The following BZW2 variants were observed in gnomAD, a reference collection of about 807,000 sequenced individuals.
BZW2 encodes basic leucine zipper and W2 domains 2.
A neutral mutation model predicts 53.2 loss-of-function variants in BZW2; 23 were observed. The observed-to-expected ratio is 0.43, with a 90% confidence interval of 0.31 to 0.61. BZW2 has a LOEUF of 0.61. Ranked by LOEUF, BZW2 falls within the 20% of genes least tolerant of loss-of-function variation. The pLI is 0.09. For synonymous variants in BZW2, 227 were observed against 186.4 expected (o/e 1.22, Z -1.77); for missense variants, 409 against 503.1 (o/e 0.81, Z 1.79).
chr7:16,671,341 T>C (rs1012970422), intron 2 of BZW2, among the ~76,000 whole-genome samples: 1 of 152,208 alleles, frequency 6.6e-6, no homozygotes, highest in African/African-American at 2.4e-5. Context: ...ATAACGTTAT[T>C]TTGTTATCTC....
chr7:16,668,771 TAC>T (rs1782510182), intron 2 of BZW2, among the ~76,000 whole-genome samples: 1 of 152,246 alleles, frequency 6.6e-6, no homozygotes, highest in African/African-American at 2.4e-5. Flanking sequence ...GCATTGTCGT[TAC>T]TGCTTAGCAT....
rs746452570 is a variant in BZW2, at chr7:16,697,016, C to T, written c.924C>T (p.Asn308=). ...GTATAATGAACGCTGTTGAGTGGAA[C>T]AAGAAGGAAGAACTTGTTGCAGAGC... ...WTCIMNAVEW[N]KKEELVAEQA... is the part of the protein sequence containing the mutation. The change falls in exon 9 of 12, where the codon AAC becomes AAT. Residue 308 remains asparagine (N), a synonymous_variant. Coordinates refer to ENST00000258761, the MANE Select transcript of BZW2 (RefSeq NM_014038.3). 1.9e-6 allele frequency: 3 copies of T among 1,614,118 alleles called. No homozygotes were observed. Among genetic ancestry groups the T allele is most frequent in the Non-Finnish European group, 1.7e-6 (2 of 1,180,006 alleles).
At chr7:16,647,772 A>G (rs1484960401) in intron 1 of BZW2, among the ~76,000 whole-genome samples, 1 of 152,234 alleles carries the variant, frequency 6.6e-6, no homozygotes, top group Non-Finnish European at 1.5e-5. Flanking sequence ...ACCTAAAAAA[A>G]CAGTTGAGTG....
rs1012583467 is a variant in BZW2 at position 16,672,969 on chromosome 7, G to A, written c.59-1443G>A. ...TCCACTTTCTTTTTTTTTTTGAAAC[G>A]GAGTCTCGCTCTGTCACCCAGGCTG... On this transcript the variant is annotated intron_variant, in intron 2 of 11. Coordinates refer to ENST00000258761, the MANE Select transcript of BZW2 (RefSeq NM_014038.3). 5.0e-4 allele frequency among the ~76,000 whole-genome samples: 75 copies of A among 148,708 alleles called. 1 individual carries two copies. The highest frequency in any genetic ancestry group is 1.3e-3 in the African/African-American group (50 of 39,538).
At chr7:16,665,332 G>T in intron 1 of BZW2, 105 bp from the exon 2 acceptor site, 1 of 1,323,652 alleles carries the variant, frequency 7.6e-7, no homozygotes, top group Non-Finnish European at 1.1e-6. Flanking sequence ...GGCATATTCA[G>T]TAATGAGTGA....
At chr7:16,689,989 A>G (rs1783251736) in intron 7 of BZW2, 83 bp downstream of exon 7, 1 of 957,506 alleles carries the variant, frequency 1.0e-6, no homozygotes, top group Non-Finnish European at 1.5e-6. Flanking sequence ...TATATGAGTA[A>G]GATCCCTGGA....
intron 10 of BZW2, among the ~76,000 whole-genome samples, chr7:16,702,254 GA>G (rs1783689421): frequency 2.0e-5 from 3 of 152,068 alleles, no homozygotes; most frequent in Admixed American, 6.6e-5. Flanking sequence ...TCACTAAATA[GA>G]AGTTTAATTT....
At chr7:16,668,410 G>A (rs1782496022) in intron 2 of BZW2, among the ~76,000 whole-genome samples, 1 of 152,168 alleles carries the variant, frequency 6.6e-6, no homozygotes, top group Non-Finnish European at 1.5e-5. Context: ...TTTGCCAGTT[G>A]ATCTAGATTC....
intron 10 of BZW2, among the ~76,000 whole-genome samples, chr7:16,700,078 T>C (rs537264481): frequency 6.6e-6 from 1 of 152,326 alleles, no homozygotes; most frequent in East Asian, 1.9e-4. Flanking sequence ...TCAACATCAA[T>C]TTTATTTCTG....
chr7:16,659,849 T>A (rs1583703852), intron 1 of BZW2, among the ~76,000 whole-genome samples: 1 of 150,124 alleles, frequency 6.7e-6, no homozygotes, highest in Admixed American at 6.6e-5. Context: ...TTTTTATTTT[T>A]TTATTTTTTT....
At chr7:16,689,265 T>C (rs1783227716) in intron 6 of BZW2, among the ~76,000 whole-genome samples, 1 of 152,136 alleles carries the variant, frequency 6.6e-6, no homozygotes, top group African/African-American at 2.4e-5. Flanking sequence ...AAAATGCTTT[T>C]TATAAAAAGC....
At chr7:16,656,018 A>G (rs1383893723) in intron 1 of BZW2, among the ~76,000 whole-genome samples, 1 of 152,114 alleles carries the variant, frequency 6.6e-6, no homozygotes, top group Non-Finnish European at 1.5e-5. Context: ...GTAAATTTTA[A>G]CATAGATACC....
At chr7:16,680,159 G>A (rs720587) in intron 3 of BZW2, among the ~76,000 whole-genome samples, 6,907 of 152,152 alleles carry the variant, frequency 0.045, 505 homozygotes, top group African/African-American at 0.16. Flanking sequence ...AGCTACCCAA[G>A]TAGAAGGCAA....
intron 1 of BZW2, among the ~76,000 whole-genome samples, chr7:16,664,776 A>C (rs1782369468): frequency 6.6e-6 from 1 of 152,234 alleles, no homozygotes; most frequent in Non-Finnish European, 1.5e-5. Context: ...GTATATTTGC[A>C]TTCTTGTGTG....
Position 16,659,972 on chromosome 7 carries a change from G to A in BZW2, c.-7-5465G>A, listed in dbSNP as rs557205617. 2.2e-4 allele frequency among the ~76,000 whole-genome samples: 33 copies of A among 151,936 alleles called. 1 individual carries two copies. The highest frequency in any genetic ancestry group is 7.5e-4 in the African/African-American group (31 of 41,462). The stretch of plus-strand genomic sequence containing the variant: ...CCCATTAACTCGTCATTAACATTAG[G>A]TATATCTCCCAATGCTATCCCTTCC... On this transcript the variant is annotated intron_variant, in intron 1 of 11. Transcript: ENST00000258761.
At position 16,680,061 on chromosome 7, in the gene BZW2, C is replaced by A. The variant is rs151052916; in HGVS notation, c.236-1240C>A. Among the ~76,000 whole-genome samples, 876 of 152,094 alleles carry A rather than the reference C, an allele frequency of 5.8e-3. 9 individuals are homozygous for A. The highest frequency in any genetic ancestry group is 0.02 in the African/African-American group (840 of 41,502). On this transcript the variant is annotated intron_variant, in intron 3 of 11. Transcript: ENST00000258761. ...TCTTCTAGCCAACATAGCAGCTGGG[C>A]GATCAAATTCAAATAGCAAGCATCG... is the stretch of plus-strand genomic sequence containing the variant.
Position 16,687,665 on chromosome 7 carries a change from G to A in BZW2, c.541+1625G>A, listed in dbSNP as rs1217696090. On this transcript the variant is annotated intron_variant, in intron 6 of 11. Transcript: ENST00000258761. ...GAGCCCAGGAGTTTGGGGCTACAGT[G>A]AGCTATAATCACATCATCTTACTAC... 5 of 152,038 alleles carry A rather than the reference G, an allele frequency of 3.3e-5. No homozygotes were observed. In the East Asian group the frequency reaches 9.7e-4, roughly 29 times the overall value. 9.4% of individuals were successfully genotyped at this position (152,038 alleles called of 1,614,324 possible).
chr7:16,665,544 C>T lies in BZW2; in HGVS notation c.58+43C>T. On this transcript the variant is annotated intron_variant, in intron 2 of 11. Transcript: ENST00000258761. ...GTGTGTGTGTGTTTAAAGTTGTAAC[C>T]AAAATATAAGATTGGAGAAGAATCT... The T allele has an allele frequency of 2.5e-6, 4 of 1,595,772 alleles. No homozygotes were observed. The South Asian group carries it at 4.5e-5, about 18-fold the overall frequency.
chr7:16,687,337 AT>A (rs1195752212), intron 6 of BZW2: 1 of 152,220 alleles, frequency 6.6e-6, no homozygotes, highest in Non-Finnish European at 1.5e-5. Context: ...TGGAAGTAAC[AT>A]AGTACCTCTG....
Sources: allele counts gnomAD v4.1 joint callset (sites outside exome capture counted in the v4.1 genomes callset), GRCh38; gene constraint gnomAD v4.1.1; transcripts MANE v1.5; gene names NCBI Gene and HGNC (gene_info 2026-07-23, HGNC 2026-07-21).